ATP6V0A1: variants seen among roughly 807,000 people sequenced by gnomAD.
ATP6V0A1 encodes ATPase H+ transporting V0 subunit a1, also known as V-type proton ATPase 116 kDa subunit a 1.
A neutral mutation model predicts 105.4 loss-of-function variants in ATP6V0A1; 43 were observed. That is an observed-to-expected ratio of 0.41 (90% CI 0.32 to 0.53). The LOEUF (loss-of-function observed/expected upper bound fraction) is 0.53, where lower values mean the gene tolerates loss of function less well. Among genes scored for constraint, ATP6V0A1 ranks in the 20% least tolerant of loss-of-function variants. The probability of loss-of-function intolerance (pLI) is 0.30; values close to 1 mark genes in which losing one functional copy is unlikely to be tolerated. For synonymous variants in ATP6V0A1, 362 were observed against 372.8 expected (o/e 0.97, Z 0.33); for missense variants, 676 against 1,051.1 (o/e 0.64, Z 4.93).
At chr17:42,477,536 T>G in intron 5 of ATP6V0A1, 124 bp from the exon 6 acceptor site, 1 of 898,284 alleles carries the variant, frequency 1.1e-6, no homozygotes, top group Non-Finnish European at 1.7e-6. Flanking sequence ...TTTCGTGGTT[T>G]GTTTTCTTTT....
At chr17:42,498,804 T>C (rs12602822) in intron 14 of ATP6V0A1, 120 bp from the exon 15 acceptor site, 26,874 of 630,100 alleles carry the variant, frequency 0.043, 2,127 homozygotes, top group East Asian at 0.32. Flanking sequence ...CCAGCCTGGG[T>C]GACAGAGCGA....
chr17:42,481,636 G>T (rs1353516404), intron 8 of ATP6V0A1, among the ~76,000 whole-genome samples: 1 of 152,028 alleles, frequency 6.6e-6, no homozygotes, highest in African/African-American at 2.4e-5. Flanking sequence ...TTGACCCCAG[G>T]ATTTGAAGAC....
At chr17:42,495,804 T>G in intron 14 of ATP6V0A1, 88 bp downstream of exon 14, 2 of 1,210,806 alleles carry the variant, frequency 1.7e-6, no homozygotes, top group Middle Eastern at 1.9e-4. Context: ...TAAATAGTTA[T>G]GTGGGCTTTC....
Position 42,494,286 on chromosome 17 carries a change from C to G in ATP6V0A1, c.1175-48C>G, listed in dbSNP as rs775061772. 3.9e-6 allele frequency: 6 copies of G among 1,520,648 alleles called. No homozygotes were observed. The East Asian group carries it at 1.4e-4, about 35-fold the overall frequency. 94.2% of individuals were successfully genotyped at this position (1,520,648 alleles called of 1,614,324 possible). A position where few individuals can be genotyped will look rare whatever the true frequency, so the allele number is the denominator to read the frequency against. ...AAAGAATGTAATATTTGTGGAATTG[C>G]TATGGTTTAATGTACTTTGTATTTT... On this transcript the variant is annotated intron_variant, in intron 11 of 21. Transcript: ENST00000343619.
At chr17:42,470,304 A>T in intron 5 of ATP6V0A1, 86 bp downstream of exon 5, 4 of 1,506,852 alleles carry the variant, frequency 2.7e-6, no homozygotes, top group Non-Finnish European at 3.6e-6. Flanking sequence ...TAATTATTTT[A>T]ATTTGCTAGT....
rs1461436217 is a variant in ATP6V0A1, at chr17:42,506,634, C to T, written c.2005-886C>T. The stretch of plus-strand genomic sequence containing the variant: ...GATTCTGGGGGCTGCTGTTTAAATT[C>T]CTTTTCACGCTGTGGCAGGTTAGCA... On this transcript the variant is annotated intron_variant, in intron 17 of 21. Transcript: ENST00000343619. 2.0e-5 allele frequency among the ~76,000 whole-genome samples: 3 copies of T among 152,344 alleles called. No individual in the cohort carries two copies. In the East Asian group the frequency reaches 5.8e-4, roughly 29 times the overall value.
At chr17:42,505,294 C>T (rs568158961) in intron 17 of ATP6V0A1, among the ~76,000 whole-genome samples, 1 of 152,356 alleles carries the variant, frequency 6.6e-6, no homozygotes, top group South Asian at 2.1e-4. Context: ...CAACCTCCGC[C>T]TCCCCAGTTC....
intron 10 of ATP6V0A1, 90 bp from the exon 11 acceptor site, chr17:42,490,397 T>C (rs1567839228): frequency 8.5e-7 from 1 of 1,170,370 alleles, no homozygotes; most frequent in Non-Finnish European, 1.2e-6. Flanking sequence ...TGTGTACCAT[T>C]TGATGAGTTT....
chr17:42,470,064 TTAATA>T, intron 4 of ATP6V0A1, 21 bp from the exon 5 acceptor site: 1 of 1,571,386 alleles, frequency 6.4e-7, no homozygotes, highest in Non-Finnish European at 8.7e-7. Flanking sequence ...TGAGCTTAGC[TTAATA>T]TATTTTCTTA....
At chr17:42,509,750 G>A (rs1412301215) in intron 19 of ATP6V0A1, 1 of 152,194 alleles carries the variant, frequency 6.6e-6, no homozygotes, top group African/African-American at 2.4e-5. Context: ...CAACTATTGT[G>A]TACCAGCGTT....
Position 42,521,266 on chromosome 17 carries a change from C to T in ATP6V0A1, c.*146C>T. ...TGTGAGTCATTTAGATAGAATAGTCCTCCTTGGGTCTCCCACCACCCCTAG... is the reference window on the plus strand; with the variant it reads ...TGTGAGTCATTTAGATAGAATAGTCTTCCTTGGGTCTCCCACCACCCCTAG... On this transcript the variant is annotated 3_prime_UTR_variant, in exon 22 of 22. Coordinates refer to ENST00000343619, the MANE Select transcript of ATP6V0A1 (RefSeq NM_001130021.3). This position sits in a 1 kb window ranked among gnomAD's most constrained non-coding sequence, Gnocchi z 4.8. 2 of 599,144 alleles carry T rather than the reference C, an allele frequency of 3.3e-6. No homozygotes were observed. The highest frequency in any genetic ancestry group is 2.7e-6 in the Non-Finnish European group (1 of 365,558). The allele number at this position is 599,144 out of a possible 1,614,324, so 37.1% of individuals were successfully genotyped here.
intron 9 of ATP6V0A1, among the ~76,000 whole-genome samples, chr17:42,484,666 G>A (rs1388114625): frequency 2.6e-5 from 4 of 152,118 alleles, no homozygotes; most frequent in Admixed American, 2.6e-4. Flanking sequence ...TGTGAACTGT[G>A]TGTACATGGA....
chr17:42,486,722 T>C (rs2090148565), intron 9 of ATP6V0A1, among the ~76,000 whole-genome samples: 1 of 151,986 alleles, frequency 6.6e-6, no homozygotes, highest in African/African-American at 2.4e-5. Context: ...GCACTGCCTC[T>C]TTCCACCCTC....
chr17:42,489,580 C>T lies in ATP6V0A1; in HGVS notation c.1024-907C>T, dbSNP rs140513768. ...TCTGCAGGAAAAATCAATAGGGCTA[C>T]CTGGTTCCTAGCAAGGTGCAGGAGA... is the stretch of plus-strand genomic sequence containing the variant. On this transcript the variant is annotated intron_variant, in intron 10 of 21. Transcript: ENST00000343619. 4.3e-4 allele frequency among the ~76,000 whole-genome samples: 66 copies of T among 152,214 alleles called. 1 individual carries two copies. The East Asian group carries it at 9.8e-3, about 23-fold the overall frequency.
chr17:42,512,650 C>A (rs2092403540), intron 19 of ATP6V0A1, among the ~76,000 whole-genome samples: 1 of 152,164 alleles, frequency 6.6e-6, no homozygotes. Flanking sequence ...TGGAGCCAGC[C>A]CCCTCCACGC....
chr17:42,464,563 C>T (rs777760080), intron 2 of ATP6V0A1, among the ~76,000 whole-genome samples: 6 of 152,072 alleles, frequency 3.9e-5, no homozygotes, highest in Middle Eastern at 3.4e-3. Context: ...CTGCCACTCC[C>T]GGCTAATTTT....
rs34612473 is a variant in ATP6V0A1 at position 42,515,468 on chromosome 17, C to CAA, written c.2420+1026_2420+1027dup. Reference sequence around the variant, plus strand: ...TGGGCAACAGAGCGAGACTCTGTCTCAAAAAAAAAAAAAAAAAAATAGGGG... The same window carrying CAA: ...TGGGCAACAGAGCGAGACTCTGTCTCAAAAAAAAAAAAAAAAAAAAATAGGGG... On this transcript the variant is annotated intron_variant, in intron 21 of 21. Coordinates refer to ENST00000343619, the MANE Select transcript of ATP6V0A1 (RefSeq NM_001130021.3). 4.7e-3 allele frequency among the ~76,000 whole-genome samples: 405 copies of CAA among 85,464 alleles called. 5 individuals carry two copies. The highest frequency in any genetic ancestry group is 0.014 in the African/African-American group (338 of 23,356). 56.1% of individuals were successfully genotyped at this position (85,464 alleles called of 152,430 possible). A position where few individuals can be genotyped will look rare whatever the true frequency, so the allele number is the denominator to read the frequency against.
chr17:42,483,224 C>T, intron 9 of ATP6V0A1, 93 bp downstream of exon 9: 1 of 962,418 alleles, frequency 1.0e-6, no homozygotes, highest in Non-Finnish European at 1.4e-6. Flanking sequence ...TATAAGGTAC[C>T]TGTAGCAAAC....
chr17:42,473,477 A>G (rs1317701466), intron 5 of ATP6V0A1, among the ~76,000 whole-genome samples: 1 of 152,232 alleles, frequency 6.6e-6, no homozygotes, highest in Non-Finnish European at 1.5e-5. Context: ...ACGCTTTCAT[A>G]TGCTCACAGA....
Sources: allele counts gnomAD v4.1 joint callset (sites outside exome capture counted in the v4.1 genomes callset), GRCh38; gene constraint gnomAD v4.1.1; non-coding constraint Gnocchi (gnomAD v3.1); transcripts MANE v1.5; gene names NCBI Gene and HGNC (gene_info 2026-07-23, HGNC 2026-07-21).